The following SFXN1 variants were observed in gnomAD, a reference collection of about 807,000 sequenced individuals.
SFXN1 encodes sideroflexin-1.
In SFXN1, 32 loss-of-function variants were observed where a neutral mutation model predicts 39.5. The ratio of observed to expected loss-of-function variants is 0.81; its 90% confidence interval spans 0.61 to 1.09. The LOEUF (loss-of-function observed/expected upper bound fraction) is 1.09. SFXN1 is among the 50% of genes least tolerant of loss of function. The pLI is 0.00. For synonymous variants in SFXN1, 136 were observed against 146.5 expected, an observed-to-expected ratio of 0.93 and a Z score of 0.52; for missense variants, 402 against 407.1, an observed-to-expected ratio of 0.99 and a Z score of 0.11.
At chr5:175,507,030 AG>A (rs1429659281) in intron 2 of SFXN1, among the ~76,000 whole-genome samples, 1 of 152,180 alleles carries the variant, frequency 6.6e-6, no homozygotes, top group Non-Finnish European at 1.5e-5. Context: ...TGGAGGCTCA[AG>A]GTCTGATATC....
At chr5:175,488,266 A>G (rs2113269405) in intron 1 of SFXN1, among the ~76,000 whole-genome samples, 1 of 150,988 alleles carries the variant, frequency 6.6e-6, no homozygotes, top group African/African-American at 2.4e-5. Context: ...GCCCCAGCTC[A>G]TGCCTTCTTG....
intron 8 of SFXN1, among the ~76,000 whole-genome samples, chr5:175,519,661 G>A (rs548313136): frequency 6.4e-4 from 97 of 152,214 alleles, no homozygotes; most frequent in African/African-American, 2.2e-3. Flanking sequence ...TATGGAAGAG[G>A]GAGGAACTGC....
chr5:175,494,520 G>A (rs1037872532), intron 2 of SFXN1, among the ~76,000 whole-genome samples: 1 of 152,108 alleles, frequency 6.6e-6, no homozygotes, highest in Non-Finnish European at 1.5e-5. Context: ...GGCCAAGGTG[G>A]GTGGATCGCC....
intron 2 of SFXN1, among the ~76,000 whole-genome samples, chr5:175,503,947 T>C (rs1309777924): frequency 1.4e-5 from 2 of 139,414 alleles, no homozygotes; most frequent in Non-Finnish European, 3.0e-5. Context: ...GAGGTTGCAG[T>C]AGCCGAGATT....
chr5:175,517,167 C>G (rs1056555334), intron 8 of SFXN1, among the ~76,000 whole-genome samples: 3 of 152,142 alleles, frequency 2.0e-5, no homozygotes, highest in African/African-American at 7.2e-5. Context: ...TTTTCTCATG[C>G]GAAGGAGCTG....
rs542929488 is a variant in SFXN1 at position 175,507,128 on chromosome 5, C to T, written c.165-1904C>T. Among the ~76,000 whole-genome samples, 25 of 152,208 alleles carry T rather than the reference C, an allele frequency of 1.6e-4. 1 individual carries two copies. The South Asian group carries it at 5.2e-3, about 32-fold the overall frequency. ...AGGCTCTAGGAATGTTTTGATGCAC[C>T]TTGGCTTATGGGTACATTGCTGTCA... is the stretch of plus-strand genomic sequence containing the variant. On this transcript the variant is annotated intron_variant, in intron 2 of 10. Transcript: ENST00000321442.
At chr5:175,520,454 G>T (rs1156639489) in intron 8 of SFXN1, among the ~76,000 whole-genome samples, 2 of 152,076 alleles carry the variant, frequency 1.3e-5, no homozygotes, top group Admixed American at 1.3e-4. Context: ...TGGGGTGCGG[G>T]GGTGGTGCTG....
At chr5:175,512,867 G>A (rs1407115156) in intron 6 of SFXN1, among the ~76,000 whole-genome samples, 1 of 152,144 alleles carries the variant, frequency 6.6e-6, no homozygotes, top group Non-Finnish European at 1.5e-5. Context: ...ATTTGCACAT[G>A]AGCATAGATT....
chr5:175,497,550 A>C (rs376697220), intron 2 of SFXN1, among the ~76,000 whole-genome samples: 2 of 152,252 alleles, frequency 1.3e-5, no homozygotes, highest in Non-Finnish European at 2.9e-5. Flanking sequence ...GTGAATGCCG[A>C]ACAGACAGTA....
chr5:175,480,175 G>T (rs552276211), intron 1 of SFXN1, among the ~76,000 whole-genome samples: 1 of 152,306 alleles, frequency 6.6e-6, no homozygotes, highest in African/African-American at 2.4e-5. Flanking sequence ...GCCGAGGCGG[G>T]CGGATCACGA....
chr5:175,502,610 C>T (rs1760125423), intron 2 of SFXN1, among the ~76,000 whole-genome samples: 1 of 152,122 alleles, frequency 6.6e-6, no homozygotes, highest in Non-Finnish European at 1.5e-5. Context: ...GAGGCGGAGG[C>T]GGGAGGATTG....
Position 175,528,531 on chromosome 5 carries a change from A to G in SFXN1, c.*1797A>G, listed in dbSNP as rs1161298300. ...TTCAGAGATTGTAAATGAAAAAAAT[A>G]TAGAAACTATTTAGTTTTGGTAGAT... On this transcript the variant is annotated 3_prime_UTR_variant, in exon 11 of 11. Coordinates refer to ENST00000321442, the MANE Select transcript of SFXN1 (RefSeq NM_022754.7). The G allele has an allele frequency of 3.9e-5, 6 of 152,170 alleles. No homozygotes were observed. Among genetic ancestry groups the G allele is most frequent in the Admixed American group, 3.9e-4 (6 of 15,274 alleles). 9.4% of individuals were successfully genotyped at this position (152,170 alleles called of 1,614,324 possible).
Position 175,487,144 on chromosome 5 carries a change from C to T in SFXN1, c.-9-4951C>T, listed in dbSNP as rs1759478679. Among the ~76,000 whole-genome samples, 3 of 152,146 alleles carry T rather than the reference C, an allele frequency of 2.0e-5. No individual in the cohort carries two copies. The South Asian group carries it at 6.2e-4, about 32-fold the overall frequency. The stretch of plus-strand genomic sequence containing the variant: ...CTCACGGCCTCATGTACAGCCACAG[C>T]CTGGTGTCCGTCCAGCATGAAGTCC... On this transcript the variant is annotated intron_variant, in intron 1 of 10. Transcript: ENST00000321442.
chr5:175,478,815 G>T (rs910169269), intron 1 of SFXN1, 176 bp downstream of exon 1: 7 of 152,286 alleles, frequency 4.6e-5, no homozygotes, highest in African/African-American at 1.4e-4. Context: ...GGCCGGGGGG[G>T]GGGTCCCTGC....
At chr5:175,520,832 G>A (rs1443060799) in intron 8 of SFXN1, among the ~76,000 whole-genome samples, 1 of 152,118 alleles carries the variant, frequency 6.6e-6, no homozygotes, top group African/African-American at 2.4e-5. Context: ...ATCAAACAGA[G>A]ACAGTTGCCA....
intron 1 of SFXN1, among the ~76,000 whole-genome samples, chr5:175,489,648 C>G (rs779741552): frequency 3.9e-5 from 6 of 152,190 alleles, no homozygotes; most frequent in Non-Finnish European, 5.9e-5. Context: ...ACTGTTTATT[C>G]CTGTGAAGCT....
At chr5:175,483,074 A>G (rs1386281612) in intron 1 of SFXN1, among the ~76,000 whole-genome samples, 1 of 152,244 alleles carries the variant, frequency 6.6e-6, no homozygotes, top group African/African-American at 2.4e-5. Flanking sequence ...ATGAGGCTCC[A>G]TGAAACTATA....
chr5:175,513,608 A>G lies in SFXN1; in HGVS notation c.724+18A>G, dbSNP rs779909327. 6.2e-7 allele frequency: 1 copy of G among 1,613,008 alleles called. No homozygotes were observed. Among genetic ancestry groups the G allele is most frequent in the Admixed American group, 1.7e-5 (1 of 59,972 alleles). Reference sequence around the variant, plus strand: ...TGGCATGGGTTAGCAGGACTTTGTCATTTATTCCATAAATACAGGTTGAAC... The same window carrying G: ...TGGCATGGGTTAGCAGGACTTTGTCGTTTATTCCATAAATACAGGTTGAAC... On this transcript the variant is annotated intron_variant, in intron 7 of 10. Transcript: ENST00000321442.
At chr5:175,486,333 C>A (rs1759448486) in intron 1 of SFXN1, among the ~76,000 whole-genome samples, 1 of 152,260 alleles carries the variant, frequency 6.6e-6, no homozygotes, top group Non-Finnish European at 1.5e-5. Flanking sequence ...CTTGTTTCTG[C>A]TGCCAGCATC....
Sources: gnomAD v4.1 joint callset for allele counts (sites outside exome capture counted in the v4.1 genomes callset) on GRCh38, gnomAD v4.1.1 for gene constraint, MANE v1.5 for transcripts, NCBI Gene and HGNC (gene_info 2026-07-23, HGNC 2026-07-21) for gene names.